EIPR1: variants seen among roughly 807,000 people sequenced by gnomAD.
The protein encoded by EIPR1 is EARP complex and GARP complex interacting protein 1, also known as EARP and GARP complex-interacting protein 1.
A neutral mutation model predicts 48.1 loss-of-function variants in EIPR1; 25 were observed. That is an observed-to-expected ratio of 0.52 (90% CI 0.38 to 0.73). The LOEUF (loss-of-function observed/expected upper bound fraction) is 0.73. EIPR1 is among the 30% of genes least tolerant of loss of function. EIPR1 has a pLI of 0.00. For synonymous variants in EIPR1, 204 were observed against 201.9 expected (o/e 1.01, Z -0.09); for missense variants, 415 against 506.2 (o/e 0.82, Z 1.73).
At chr2:3,257,524 C>T (rs539836890) in intron 3 of EIPR1, 69 bp from the exon 4 acceptor site, 19 of 1,563,376 alleles carry the variant, frequency 1.2e-5, no homozygotes, top group Admixed American at 1.2e-4. Context: ...AGACAGCACA[C>T]GCACATTTAC....
intron 1 of EIPR1, among the ~76,000 whole-genome samples, chr2:3,360,120 G>A (rs1010822338): frequency 1.3e-5 from 2 of 151,262 alleles, no homozygotes; most frequent in South Asian, 2.1e-4. Context: ...AGGCCAAGGC[G>A]AGTCTAGGCA....
Position 3,299,136 on chromosome 2 carries a change from T to C in EIPR1, c.259+38881A>G, listed in dbSNP as rs139891875. ...GTAATGAGATGACCAGGGTGAGTTC[T>C]GGACTTCAGGAAGCCAAGATTCATC... is the stretch of plus-strand genomic sequence containing the variant. On this transcript the variant is annotated intron_variant, in intron 3 of 8. Transcript: ENST00000382125. Among the ~76,000 whole-genome samples, 13 of 152,370 alleles carry C rather than the reference T, an allele frequency of 8.5e-5. No homozygotes were observed. In the East Asian group the frequency reaches 2.1e-3, roughly 25 times the overall value.
intron 4 of EIPR1, among the ~76,000 whole-genome samples, chr2:3,225,071 G>T (rs1161545071): frequency 6.6e-6 from 1 of 152,136 alleles, no homozygotes; most frequent in Non-Finnish European, 1.5e-5. Flanking sequence ...CATGTGTGGG[G>T]GAAGTCATTA....
chr2:3,246,077 G>A (rs1455369724), intron 4 of EIPR1, among the ~76,000 whole-genome samples: 1 of 152,146 alleles, frequency 6.6e-6, no homozygotes, highest in Non-Finnish European at 1.5e-5. Context: ...GAGTGACAAA[G>A]CCAGACCCCG....
intron 3 of EIPR1, among the ~76,000 whole-genome samples, chr2:3,269,512 ATCACACT>A (rs1572379463): frequency 1.6e-4 from 10 of 60,636 alleles, no homozygotes; most frequent in South Asian, 5.7e-4. Context: ...CTCAATCATC[ATCACACT>A]CAATCATCGC....
intron 1 of EIPR1, 139 bp downstream of exon 1, chr2:3,377,509 C>T (rs1334630285): frequency 1.2e-5 from 14 of 1,163,758 alleles, no homozygotes; most frequent in Non-Finnish European, 1.6e-5. Context: ...CAGTTTACTT[C>T]TCTGCAAAAT....
chr2:3,366,773 G>T (rs926254602), intron 1 of EIPR1, among the ~76,000 whole-genome samples: 2 of 152,200 alleles, frequency 1.3e-5, no homozygotes, highest in African/African-American at 4.8e-5. Context: ...ATTTTCAACT[G>T]GCCGGGCGCG....
intron 4 of EIPR1, among the ~76,000 whole-genome samples, chr2:3,242,243 C>A (rs1666654282): frequency 7.0e-6 from 1 of 143,088 alleles, no homozygotes. Flanking sequence ...ACACCATGGG[C>A]CCGGCAGCAG....
intron 2 of EIPR1, among the ~76,000 whole-genome samples, chr2:3,346,621 A>G (rs1383737688): frequency 6.6e-6 from 1 of 152,252 alleles, no homozygotes; most frequent in Non-Finnish European, 1.5e-5. Flanking sequence ...TAGAAGTAAC[A>G]GGAATCCTAT....
chr2:3,245,720 G>A (rs1013596559), intron 4 of EIPR1, among the ~76,000 whole-genome samples: 5 of 152,188 alleles, frequency 3.3e-5, no homozygotes, highest in East Asian at 1.9e-4. Flanking sequence ...ACACCTAAGC[G>A]CATCTAGGCT....
intron 4 of EIPR1, among the ~76,000 whole-genome samples, chr2:3,237,514 C>T (rs1348353367): frequency 3.9e-5 from 6 of 152,180 alleles, no homozygotes; most frequent in African/African-American, 1.4e-4. Context: ...ATGTATTGCA[C>T]ACAGGAAAAA....
intron 3 of EIPR1, among the ~76,000 whole-genome samples, chr2:3,334,391 G>T (rs148579543): frequency 5.7e-4 from 87 of 152,276 alleles, no homozygotes; most frequent in African/African-American, 1.9e-3. Flanking sequence ...GTGAGCTAAG[G>T]GCAAAAACTA....
intron 3 of EIPR1, among the ~76,000 whole-genome samples, chr2:3,282,041 T>C (rs1039820133): frequency 6.6e-6 from 1 of 152,194 alleles, no homozygotes; most frequent in African/African-American, 2.4e-5. Flanking sequence ...AATTTTATAT[T>C]CAATGCCACA....
rs560508252 is a variant in EIPR1 at position 3,329,683 on chromosome 2, C to G, written c.259+8334G>C. ...CCTGAATCAGAGTTCACCTATCATG[C>G]TCTAATGATCTCAGGGCACCAGCCT... On this transcript the variant is annotated intron_variant, in intron 3 of 8. Transcript: ENST00000382125. Among the ~76,000 whole-genome samples the G allele has an allele frequency of 2.0e-5, 3 of 151,500 alleles. No homozygotes were observed. The South Asian group carries it at 6.3e-4, about 32-fold the overall frequency.
chr2:3,368,682 A>C (rs954804180), intron 1 of EIPR1, among the ~76,000 whole-genome samples: 19 of 152,256 alleles, frequency 1.2e-4, no homozygotes, highest in African/African-American at 4.6e-4. Context: ...ATGCACTTTG[A>C]GATAGTCACA....
At chr2:3,207,192 C>T (rs1436501956) in intron 5 of EIPR1, among the ~76,000 whole-genome samples, 1 of 152,206 alleles carries the variant, frequency 6.6e-6, no homozygotes, top group Non-Finnish European at 1.5e-5. Flanking sequence ...GACAGGCACA[C>T]ACTAAGAGCT....
At chr2:3,277,942 A>G (rs911893779) in intron 3 of EIPR1, among the ~76,000 whole-genome samples, 1 of 152,146 alleles carries the variant, frequency 6.6e-6, no homozygotes, top group South Asian at 2.1e-4. Flanking sequence ...CCAGCCATTC[A>G]TGGAATGAGG....
intron 4 of EIPR1, among the ~76,000 whole-genome samples, chr2:3,216,399 A>T (rs2103137288): frequency 6.6e-6 from 1 of 152,296 alleles, no homozygotes; most frequent in East Asian, 1.9e-4. Context: ...AGTGACAGTG[A>T]CTTCTCAGCA....
chr2:3,208,469 T>C (rs959661028), intron 5 of EIPR1: 12 of 1,505,062 alleles, frequency 8.0e-6, no homozygotes, highest in Non-Finnish European at 1.1e-5. Context: ...CCTCTTCTCA[T>C]CTGTCAGTTG....
Sources: gnomAD v4.1 joint callset for allele counts (sites outside exome capture counted in the v4.1 genomes callset) on GRCh38, gnomAD v4.1.1 for gene constraint, MANE v1.5 for transcripts, NCBI Gene and HGNC (gene_info 2026-07-23, HGNC 2026-07-21) for gene names.